The following NOVA1 variants were observed in gnomAD, a reference collection of about 807,000 sequenced individuals.
NOVA1 encodes RNA-binding protein Nova-1.
Under a neutral mutation model 38.0 loss-of-function variants are expected in NOVA1, and 7 were observed. The observed-to-expected ratio is 0.18, with a 90% CI of 0.10 to 0.35. The LOEUF is 0.35. Ranked by LOEUF, NOVA1 falls within the 10% of genes least tolerant of loss-of-function variation. The pLI, the probability that NOVA1 is intolerant of heterozygous loss-of-function variation, is 1.00. For synonymous variants in NOVA1, 270 were observed against 232.5 expected (o/e 1.16, Z -1.47); for missense variants, 460 against 616.0 (o/e 0.75, Z 2.68).
At chr14:26,549,881 T>C (rs1891060578) in intron 2 of NOVA1, 2 of 403,280 alleles carry the variant, frequency 5.0e-6, no homozygotes, top group Non-Finnish European at 9.6e-6. Flanking sequence ...CATACAGGGA[T>C]GAAAAGTACT....
chr14:26,494,962 T>C (rs919629357), intron 2 of NOVA1, among the ~76,000 whole-genome samples: 2 of 152,210 alleles, frequency 1.3e-5, no homozygotes, highest in African/African-American at 4.8e-5. Flanking sequence ...CCCTTTACTA[T>C]GGCTTTCAAA....
At chr14:26,451,271 G>C (rs1247290549) in intron 4 of NOVA1, among the ~76,000 whole-genome samples, 1 of 151,886 alleles carries the variant, frequency 6.6e-6, no homozygotes, top group Non-Finnish European at 1.5e-5. Context: ...TGTGGGCATT[G>C]CACTTACATT....
intron 4 of NOVA1, among the ~76,000 whole-genome samples, chr14:26,466,628 A>G (rs1884161821): frequency 6.6e-6 from 1 of 152,254 alleles, no homozygotes; most frequent in African/African-American, 2.4e-5. Flanking sequence ...TCTTTAGTTC[A>G]TGGTTGCTAT....
At chr14:26,533,285 C>T (rs1429573815) in intron 2 of NOVA1, among the ~76,000 whole-genome samples, 1 of 152,158 alleles carries the variant, frequency 6.6e-6, no homozygotes, top group Non-Finnish European at 1.5e-5. Context: ...CTATTTGTAG[C>T]CCTCGCTTAG....
At chr14:26,541,785 A>G (rs1474382822) in intron 2 of NOVA1, among the ~76,000 whole-genome samples, 2 of 151,748 alleles carry the variant, frequency 1.3e-5, no homozygotes, top group African/African-American at 4.8e-5. Flanking sequence ...CACAGGGATA[A>G]ACAGTGTTTC....
chr14:26,589,740 T>A lies in NOVA1; in HGVS notation c.280+5670A>T, dbSNP rs182741201. ...TGTAAATGCTTCTCACTTAAGGTTA[T>A]TTTTTTGTTATTTCTATACCTAAAG... On this transcript the variant is annotated intron_variant, in intron 2 of 4. Coordinates refer to ENST00000539517, the MANE Select transcript of NOVA1 (RefSeq NM_002515.3). 7.2e-3 allele frequency among the ~76,000 whole-genome samples: 1,088 copies of A among 151,886 alleles called. 7 individuals are homozygous for A. Among genetic ancestry groups the A allele is most frequent in the Non-Finnish European group, 0.012 (836 of 67,772 alleles).
chr14:26,484,186 G>A (rs1322666981), intron 2 of NOVA1, among the ~76,000 whole-genome samples: 1 of 151,898 alleles, frequency 6.6e-6, no homozygotes, highest in Non-Finnish European at 1.5e-5. Flanking sequence ...TGTAATCCCA[G>A]CACTTTGGGA....
rs189760428 is a variant in NOVA1, at chr14:26,542,128, T to C, written c.280+53282A>G. ...AAACATATCTATTAAAAACTTCATATTTCCAACAACATGAAAATAAGGAAG... is the reference window on the plus strand; with the variant it reads ...AAACATATCTATTAAAAACTTCATACTTCCAACAACATGAAAATAAGGAAG... On this transcript the variant is annotated intron_variant, in intron 2 of 4. Transcript: ENST00000539517. Among the ~76,000 whole-genome samples, 452 of 152,032 alleles carry C rather than the reference T, an allele frequency of 3.0e-3. 1 individual carries two copies. Among genetic ancestry groups the C allele is most frequent in the Non-Finnish European group, 4.6e-3 (310 of 67,834 alleles).
intron 2 of NOVA1, among the ~76,000 whole-genome samples, chr14:26,525,020 T>C (rs1889198206): frequency 6.6e-6 from 1 of 152,228 alleles, no homozygotes; most frequent in Middle Eastern, 3.4e-3. Flanking sequence ...CAAAAATAAT[T>C]TCACATATAC....
chr14:26,534,108 AAAAG>A (rs1889911016), intron 2 of NOVA1, among the ~76,000 whole-genome samples: 1 of 152,170 alleles, frequency 6.6e-6, no homozygotes, highest in African/African-American at 2.4e-5. Context: ...ATCAAAATGG[AAAAG>A]AAAGTCACAC....
At chr14:26,459,551 A>G (rs1883481317) in intron 4 of NOVA1, among the ~76,000 whole-genome samples, 1 of 152,174 alleles carries the variant, frequency 6.6e-6, no homozygotes. Context: ...GTAAATAGTG[A>G]GTTGATAAAT....
intron 4 of NOVA1, chr14:26,470,632 G>C: frequency 9.1e-6 from 5 of 548,224 alleles, no homozygotes; most frequent in South Asian, 5.5e-5. Flanking sequence ...ACTTTATCTA[G>C]AGGGTGAAAA....
chr14:26,549,072 G>A (rs941598936), intron 2 of NOVA1, among the ~76,000 whole-genome samples: 7 of 152,046 alleles, frequency 4.6e-5, no homozygotes, highest in African/African-American at 9.7e-5. Context: ...CAGGAAGATC[G>A]CTTAAGCCCA....
intron 2 of NOVA1, among the ~76,000 whole-genome samples, chr14:26,573,060 G>T (rs75814091): frequency 6.6e-6 from 1 of 151,992 alleles, no homozygotes; most frequent in Non-Finnish European, 1.5e-5. Context: ...GGACAGAATC[G>T]AATGTAACCC....
intron 2 of NOVA1, among the ~76,000 whole-genome samples, chr14:26,536,624 T>C (rs1003951803): frequency 6.6e-6 from 1 of 151,648 alleles, no homozygotes; most frequent in African/African-American, 2.4e-5. Context: ...AAATTCTATA[T>C]AAATTAGAGG....
intron 2 of NOVA1, chr14:26,588,408 T>C (rs1417907448): frequency 6.6e-6 from 1 of 151,446 alleles, no homozygotes; most frequent in Non-Finnish European, 1.5e-5. Context: ...ACCTTAATCA[T>C]TTTGCTGTTA....
At chr14:26,508,031 C>T (rs1403899778) in intron 2 of NOVA1, among the ~76,000 whole-genome samples, 1 of 151,968 alleles carries the variant, frequency 6.6e-6, no homozygotes, top group East Asian at 1.9e-4. Flanking sequence ...TAAAGTTTTT[C>T]TATTACTTAC....
chr14:26,529,503 G>A (rs927057256), intron 2 of NOVA1, among the ~76,000 whole-genome samples: 1 of 152,082 alleles, frequency 6.6e-6, no homozygotes, highest in African/African-American at 2.4e-5. Context: ...GAGTTGTAGG[G>A]GAATGGCTCT....
Position 26,467,911 on chromosome 14 carries a change from T to C in NOVA1, c.519+4409A>G, listed in dbSNP as rs184223042. ...GAAGCAAGAAACATTGTGGGGGTTG[T>C]GGTAGGGACAATTCTTTGAAAACTT... is the stretch of plus-strand genomic sequence containing the variant. On this transcript the variant is annotated intron_variant, in intron 4 of 4. Transcript: ENST00000539517. 3.0e-3 allele frequency among the ~76,000 whole-genome samples: 463 copies of C among 152,238 alleles called. 3 individuals are homozygous for C. The highest frequency in any genetic ancestry group is 0.01 in the South Asian group (49 of 4,828).
Sources: allele counts gnomAD v4.1 joint callset (sites outside exome capture counted in the v4.1 genomes callset), GRCh38; gene constraint gnomAD v4.1.1; transcripts MANE v1.5; gene names NCBI Gene and HGNC (gene_info 2026-07-23, HGNC 2026-07-21).